Variants in CAPN2 observed in about 807,000 individuals in gnomAD.
CAPN2 encodes calpain 2.
CAPN2 carries 92 observed loss-of-function variants against 102.3 expected under a neutral mutation model. The observed-to-expected ratio is 0.90, with a 90% CI of 0.76 to 1.07. The LOEUF is 1.07. CAPN2 is among the 50% of genes least tolerant of loss of function. CAPN2 has a pLI of 0.00. For synonymous variants in CAPN2, 340 were observed against 355.4 expected, an observed-to-expected ratio of 0.96 and a Z score of 0.49; for missense variants, 800 against 909.4, an observed-to-expected ratio of 0.88 and a Z score of 1.55.
In CAPN2 at chr1:223,755,050, T is replaced by A. The variant is rs900987475; in HGVS notation, c.1136-430T>A. Among the ~76,000 whole-genome samples, 3 of 152,132 alleles carry A rather than the reference T, an allele frequency of 2.0e-5. No homozygotes were observed. Among genetic ancestry groups the A allele is most frequent in the Non-Finnish European group, 4.4e-5 (3 of 68,024 alleles). On this transcript the variant is annotated intron_variant, in intron 9 of 20. Coordinates refer to ENST00000295006, the MANE Select transcript of CAPN2 (RefSeq NM_001748.5). This position sits in a 1 kb window ranked among gnomAD's most constrained non-coding sequence, Gnocchi z 4.1. ...TAGGTTCCTGTTAGATTCAGACAAG[T>A]GCAGGTCATCCTCTCTCCACAGCTA...
In CAPN2 at chr1:223,766,392, C is replaced by G. The variant is rs771152872; in HGVS notation, c.1716C>G (p.Phe572Leu). Reference sequence around the variant, plus strand: ...GCCAAGATATCAAGTCAGATGGCTTCAGCATCGAGACATGCAAAATTATGG... The same window carrying G: ...GCCAAGATATCAAGTCAGATGGCTTGAGCATCGAGACATGCAAAATTATGG... ...AKRQDIKSDG[F>L]SIETCKIMVD... The change falls in exon 16 of 21, where the codon TTC (phenylalanine) becomes TTG (leucine). Residue 572 changes from phenylalanine to leucine, a missense_variant. Coordinates refer to ENST00000295006, the MANE Select transcript of CAPN2 (RefSeq NM_001748.5). 2 of 1,613,928 alleles carry G rather than the reference C, an allele frequency of 1.2e-6. No individual in the cohort carries two copies. Among genetic ancestry groups the G allele is most frequent in the East Asian group, 4.5e-5 (2 of 44,880 alleles).
At chr1:223,768,605 T>C (rs1489589157) in intron 16 of CAPN2, among the ~76,000 whole-genome samples, 1 of 151,798 alleles carries the variant, frequency 6.6e-6, no homozygotes, top group Admixed American at 6.5e-5. Flanking sequence ...TAGTATAGTT[T>C]GAAGTCAGGT....
Position 223,749,766 on chromosome 1 carries a change from A to G in CAPN2, c.813+644A>G, listed in dbSNP as rs531270650. ...ATGGTGGCTCACACCTGAAATCCCA[A>G]CACTTTGGGAGACCGAGGTGGGAGG... On this transcript the variant is annotated intron_variant, in intron 6 of 20. Transcript: ENST00000295006. Among the ~76,000 whole-genome samples the G allele has an allele frequency of 4.6e-5, 7 of 152,316 alleles. No homozygotes were observed. In the East Asian group the frequency reaches 1.3e-3, roughly 29 times the overall value.
In CAPN2 at chr1:223,764,221, C is replaced by A; in HGVS notation, c.1690+14C>A. On this transcript the variant is annotated intron_variant, in intron 15 of 20. Coordinates refer to ENST00000295006, the MANE Select transcript of CAPN2 (RefSeq NM_001748.5). ...TTCTAGCAAAGCGTGAGTATCCCCT[C>A]ATTGCAAAACCTCATCCTGCTCTTT... The A allele has an allele frequency of 1.2e-6, 2 of 1,609,804 alleles. No homozygotes were observed. The highest frequency in any genetic ancestry group is 1.7e-6 in the Non-Finnish European group (2 of 1,176,154).
chr1:223,720,948 G>A (rs1322824492), intron 2 of CAPN2, among the ~76,000 whole-genome samples: 1 of 152,064 alleles, frequency 6.6e-6, no homozygotes, highest in East Asian at 1.9e-4. Context: ...CTCTACCTGC[G>A]CTTTCTACCC....
At chr1:223,704,966 G>T (rs567893763) in intron 1 of CAPN2, among the ~76,000 whole-genome samples, 1 of 152,078 alleles carries the variant, frequency 6.6e-6, no homozygotes, top group African/African-American at 2.4e-5. Flanking sequence ...CCCTCCTGCC[G>T]CTCCCTGTTC....
intron 20 of CAPN2, chr1:223,773,020 A>T (rs1661523610): frequency 6.6e-6 from 1 of 152,232 alleles, no homozygotes; most frequent in African/African-American, 2.4e-5. Context: ...TCCGTGTAAC[A>T]GAGGAGTGAA....
chr1:223,761,191 G>A (rs1661175581), intron 12 of CAPN2, among the ~76,000 whole-genome samples: 1 of 152,246 alleles, frequency 6.6e-6, no homozygotes, highest in African/African-American at 2.4e-5. Flanking sequence ...AGGCTAGGAC[G>A]AACACCACGC....
chr1:223,722,738 C>T (rs1373372839), intron 2 of CAPN2, among the ~76,000 whole-genome samples: 1 of 152,058 alleles, frequency 6.6e-6, no homozygotes, highest in East Asian at 1.9e-4. Flanking sequence ...TACCCAGTTT[C>T]CCCTATTATT....
rs1384905043 is a variant in CAPN2, at chr1:223,725,947, CTA to C, written c.307+8118_307+8119del. Among the ~76,000 whole-genome samples the C allele has an allele frequency of 2.6e-5, 4 of 152,128 alleles. No homozygotes were observed. The highest frequency in any genetic ancestry group is 9.7e-5 in the African/African-American group (4 of 41,422). On this transcript the variant is annotated intron_variant, in intron 2 of 20. Coordinates refer to ENST00000295006, the MANE Select transcript of CAPN2 (RefSeq NM_001748.5). This position sits in a 1 kb window ranked among gnomAD's most constrained non-coding sequence, Gnocchi z 4.1. Reference sequence around the variant, plus strand: ...TCCTACAATGCAGGGAACTTTAAGACTATGTGACAGAAAGGTGCCACTGGAAC... The same window carrying C: ...TCCTACAATGCAGGGAACTTTAAGACTGTGACAGAAAGGTGCCACTGGAAC...
At chr1:223,772,616 A>G in intron 20 of CAPN2, 2 of 215,282 alleles carry the variant, frequency 9.3e-6, no homozygotes, top group Admixed American at 5.3e-5. Context: ...TTTTGGGAAG[A>G]TCCATCATTC....
chr1:223,737,038 C>CAA (rs200344078), intron 2 of CAPN2, among the ~76,000 whole-genome samples: 4 of 148,688 alleles, frequency 2.7e-5, no homozygotes, highest in African/African-American at 9.9e-5. Context: ...GAACCTGTCT[C>CAA]AAAAAAAAAT....
intron 1 of CAPN2, among the ~76,000 whole-genome samples, chr1:223,713,938 TTC>T (rs1310833051): frequency 6.6e-6 from 1 of 152,198 alleles, no homozygotes; most frequent in Admixed American, 6.5e-5. Context: ...CCTAAATATT[TTC>T]TCTCTTTTGT....
intron 2 of CAPN2, among the ~76,000 whole-genome samples, chr1:223,724,215 G>T (rs1208048331): frequency 6.6e-6 from 1 of 152,166 alleles, no homozygotes; most frequent in Non-Finnish European, 1.5e-5. Context: ...TCTCCACCTT[G>T]TTCAGCACCA....
rs1660236992 is a variant in CAPN2, at chr1:223,727,757, G to A, written c.307+9926G>A. 6.6e-6 allele frequency among the ~76,000 whole-genome samples: 1 copy of A among 152,178 alleles called. No homozygotes were observed. The highest frequency in any genetic ancestry group is 6.5e-5 in the Admixed American group (1 of 15,286). On this transcript the variant is annotated intron_variant, in intron 2 of 20. Transcript: ENST00000295006. This position sits in a 1 kb window ranked among gnomAD's most constrained non-coding sequence, Gnocchi z 4.1. ...ATTGCTGGGATATTTGAGCCTGTGG[G>A]AGGGGAGCTTCAAGCTTCCCACTAG... is the stretch of plus-strand genomic sequence containing the variant.
intron 16 of CAPN2, among the ~76,000 whole-genome samples, chr1:223,769,601 C>T (rs1419560355): frequency 6.6e-6 from 1 of 152,148 alleles, no homozygotes; most frequent in Non-Finnish European, 1.5e-5. Context: ...CTGGGGCCTC[C>T]ACAGCACCCC....
chr1:223,746,452 C>T (rs552665883), intron 4 of CAPN2, among the ~76,000 whole-genome samples: 7 of 143,174 alleles, frequency 4.9e-5, no homozygotes, highest in South Asian at 4.3e-4. Flanking sequence ...AAGGTCCTTC[C>T]GACTCTAAGG....
intron 15 of CAPN2, among the ~76,000 whole-genome samples, chr1:223,765,119 T>A (rs1661278873): frequency 6.6e-6 from 1 of 152,138 alleles, no homozygotes; most frequent in Non-Finnish European, 1.5e-5. Context: ...ACAAATGCAG[T>A]CATGGTTGTT....
chr1:223,712,671 G>A lies in CAPN2; in HGVS notation c.31G>A (p.Asp11Asn). 1 of 1,549,178 alleles carries A rather than the reference G, an allele frequency of 6.5e-7. No individual in the cohort carries two copies. The highest frequency in any genetic ancestry group is 8.7e-7 in the Non-Finnish European group (1 of 1,149,290). MAGIAAKLAK[D>N]REAAEGLGSH... Reference sequence around the variant, plus strand: ...GGGCATCGCGGCCAAGCTGGCGAAGGACCGGGAGGCGGCCGAGGGGCTGGG... The same window carrying A: ...GGGCATCGCGGCCAAGCTGGCGAAGAACCGGGAGGCGGCCGAGGGGCTGGG... The change falls in exon 1 of 21, where the codon GAC becomes AAC. Residue 11 changes from aspartate (D) to asparagine (N), a missense_variant. Transcript: ENST00000295006.
Sources: gnomAD v4.1 joint callset for allele counts (sites outside exome capture counted in the v4.1 genomes callset) on GRCh38, gnomAD v4.1.1 for gene constraint, Gnocchi (gnomAD v3.1) non-coding constraint, MANE v1.5 for transcripts, NCBI Gene and HGNC (gene_info 2026-07-23, HGNC 2026-07-21) for gene names.